Variants in TLK2 observed in about 807,000 individuals in gnomAD.
TLK2 encodes the protein tousled like kinase 2, also known as serine/threonine-protein kinase tousled-like 2.
Under a neutral mutation model 117.3 loss-of-function variants are expected in TLK2, and 6 were observed. That is an observed-to-expected ratio of 0.05 (90% CI 0.03 to 0.10). The LOEUF (loss-of-function observed/expected upper bound fraction) is 0.10. Ranked by LOEUF, TLK2 falls within the 10% of genes least tolerant of loss-of-function variation. The pLI is 1.00. For synonymous variants in TLK2, 257 were observed against 316.7 expected, an observed-to-expected ratio of 0.81 and a Z score of 2.00; for missense variants, 299 against 901.2, an observed-to-expected ratio of 0.33 and a Z score of 8.56.
At chr17:62,563,552 C>T (rs1443354555) in intron 10 of TLK2, among the ~76,000 whole-genome samples, 3 of 152,212 alleles carry the variant, frequency 2.0e-5, no homozygotes, top group African/African-American at 7.2e-5. Flanking sequence ...TGGAAAACTG[C>T]AGCTATAAAT....
In TLK2 at chr17:62,498,422, C is replaced by T. The variant is rs1319111965; in HGVS notation, c.81+17216C>T. On this transcript the variant is annotated intron_variant, in intron 2 of 21. Coordinates refer to ENST00000346027, the MANE Select transcript of TLK2 (RefSeq NM_006852.6). Reference sequence around the variant, plus strand: ...TTTTTTTTTTTGAGACAAAGTCTTGCTCTGTCGCCCAGGCTGTAGTGCAGT... The same window carrying T: ...TTTTTTTTTTTGAGACAAAGTCTTGTTCTGTCGCCCAGGCTGTAGTGCAGT... Among the ~76,000 whole-genome samples the T allele has an allele frequency of 2.7e-5, 4 of 146,072 alleles. No homozygotes were observed. The South Asian group carries it at 8.7e-4, about 32-fold the overall frequency.
At chr17:62,593,730 C>G (rs148585167) in intron 16 of TLK2, among the ~76,000 whole-genome samples, 207 of 151,790 alleles carry the variant, frequency 1.4e-3, no homozygotes, top group African/African-American at 4.8e-3. Context: ...CCGAAGGACC[C>G]GCCTGAGGCT....
chr17:62,587,835 C>T (rs1169900995), intron 16 of TLK2, among the ~76,000 whole-genome samples: 4 of 152,076 alleles, frequency 2.6e-5, no homozygotes, highest in South Asian at 2.1e-4. Context: ...TTGTTCTGAC[C>T]AGTTATAAGT....
chr17:62,475,232 TCA>T (rs1352583294), upstream of TLK2, among the ~76,000 whole-genome samples: 8 of 152,264 alleles, frequency 5.3e-5, 1 homozygote, highest in East Asian at 1.2e-3. Context: ...GTTTACTGGG[TCA>T]CAGTTTTCAG....
At chr17:62,518,596 C>T (rs1221795294) in intron 2 of TLK2, among the ~76,000 whole-genome samples, 2 of 151,942 alleles carry the variant, frequency 1.3e-5, no homozygotes, top group Non-Finnish European at 2.9e-5. Context: ...ATCCCAGCTA[C>T]GTGGGAGGCT....
intron 2 of TLK2, among the ~76,000 whole-genome samples, chr17:62,503,052 C>CTTTTTTT (rs535547546): frequency 6.9e-5 from 6 of 87,124 alleles, no homozygotes; most frequent in African/African-American, 8.9e-5. Context: ...TTTGGCTTAA[C>CTTTTTTT]TTTTTTTTTT....
intron 2 of TLK2, among the ~76,000 whole-genome samples, chr17:62,518,588 C>A (rs1396323618): frequency 2.0e-5 from 3 of 152,084 alleles, no homozygotes; most frequent in Non-Finnish European, 4.4e-5. Flanking sequence ...TGCTTGTAAT[C>A]CCAGCTACGT....
intron 13 of TLK2, 93 bp from the exon 14 acceptor site, chr17:62,578,384 C>T (rs890374981): frequency 1.2e-4 from 116 of 966,508 alleles, no homozygotes; most frequent in South Asian, 2.8e-4. Flanking sequence ...TTTAGCCTTT[C>T]ATAAGATAAA....
upstream of TLK2, among the ~76,000 whole-genome samples, chr17:62,475,351 A>T (rs72835235): frequency 3.9e-5 from 6 of 151,970 alleles, no homozygotes; most frequent in Admixed American, 2.0e-4. Context: ...CAATAATAAT[A>T]ATTATTATTT....
intron 2 of TLK2, chr17:62,516,590 C>T (rs1403898076): frequency 5.6e-6 from 9 of 1,609,992 alleles, no homozygotes; most frequent in Non-Finnish European, 7.6e-6. Flanking sequence ...GCAAAGTGTT[C>T]TTTCACGTAG....
chr17:62,600,577 C>T, intron 17 of TLK2, 74 bp from the exon 18 acceptor site: 2 of 1,323,970 alleles, frequency 1.5e-6, no homozygotes, highest in Middle Eastern at 2.8e-4. Flanking sequence ...GAAGTTTTCA[C>T]ATGGGACTAA....
intron 21 of TLK2, among the ~76,000 whole-genome samples, chr17:62,609,377 C>T (rs1294314712): frequency 6.6e-6 from 1 of 152,180 alleles, no homozygotes; most frequent in East Asian, 1.9e-4. Context: ...GCCACTGTGC[C>T]CAGCCAGTTA....
At position 62,528,724 on chromosome 17, in the gene TLK2, A is replaced by G. The variant is rs544619389; in HGVS notation, c.363+4393A>G. Among the ~76,000 whole-genome samples, 340 of 152,274 alleles carry G rather than the reference A, an allele frequency of 2.2e-3. 2 individuals are homozygous for G. The highest frequency in any genetic ancestry group is 7.2e-3 in the African/African-American group (298 of 41,562). On this transcript the variant is annotated intron_variant, in intron 6 of 21. Coordinates refer to ENST00000346027, the MANE Select transcript of TLK2 (RefSeq NM_006852.6). ...GAGCAACTGCGCCTGGCAAGCTCGG[A>G]ATGATTTTTAGATTTTTAAAAGGTT...
intron 7 of TLK2, chr17:62,551,515 C>T (rs1272825323): frequency 1.3e-5 from 2 of 152,124 alleles, no homozygotes; most frequent in African/African-American, 4.8e-5. Context: ...ACCATCCTGG[C>T]TAACACAGTG....
intron 13 of TLK2, among the ~76,000 whole-genome samples, chr17:62,577,857 C>G (rs1038110876): frequency 6.6e-6 from 1 of 151,960 alleles, no homozygotes; most frequent in Non-Finnish European, 1.5e-5. Context: ...ACCAGCCTGC[C>G]CAGCATGGTG....
At chr17:62,534,167 T>G (rs2076953947) in intron 6 of TLK2, among the ~76,000 whole-genome samples, 1 of 152,204 alleles carries the variant, frequency 6.6e-6, no homozygotes, top group Admixed American at 6.5e-5. Flanking sequence ...TGATTATTTT[T>G]TTAAGTGAAC....
intron 16 of TLK2, among the ~76,000 whole-genome samples, chr17:62,589,936 A>C (rs2081947453): frequency 6.6e-6 from 1 of 151,546 alleles, no homozygotes; most frequent in Admixed American, 6.6e-5. Context: ...CCTCCCGAGT[A>C]GCTGGGACTA....
At chr17:62,501,602 TAAAA>T (rs921888282) in intron 2 of TLK2, among the ~76,000 whole-genome samples, 1 of 145,338 alleles carries the variant, frequency 6.9e-6, no homozygotes, top group African/African-American at 2.5e-5. Context: ...AAAAACAAAT[TAAAA>T]AAAAAAGAAA....
rs1489452162 is a variant in TLK2 at position 62,614,357 on chromosome 17, C to T, written c.*1792C>T. 6.6e-6 allele frequency: 1 copy of T among 152,176 alleles called. No homozygotes were observed. Among genetic ancestry groups the T allele is most frequent in the African/African-American group, 2.4e-5 (1 of 41,420 alleles). The allele number at this position is 152,176 out of a possible 1,614,324, so 9.4% of individuals were successfully genotyped here. ...GGTCGCCAGCTTGGAATGTTACTGA[C>T]ATATGTGGCGAGGGCTTAGCCAGAA... On this transcript the variant is annotated 3_prime_UTR_variant, in exon 22 of 22. Coordinates refer to ENST00000346027, the MANE Select transcript of TLK2 (RefSeq NM_006852.6).
Sources: allele counts gnomAD v4.1 joint callset (sites outside exome capture counted in the v4.1 genomes callset), GRCh38; gene constraint gnomAD v4.1.1; transcripts MANE v1.5; gene names NCBI Gene and HGNC (gene_info 2026-07-23, HGNC 2026-07-21).